SNX8: variants seen among roughly 807,000 people sequenced by gnomAD.
SNX8 encodes the protein sorting nexin-8.
SNX8 carries 25 observed loss-of-function variants against 51.6 expected under a neutral mutation model. The observed-to-expected ratio is 0.48, with a 90% CI of 0.35 to 0.68. The LOEUF is 0.68. SNX8 is among the 30% of genes least tolerant of loss of function. SNX8 has a pLI of 0.00. For missense variants in SNX8, 695 were observed against 624.0 expected (o/e 1.11, Z -1.21); for synonymous variants, 324 against 277.0 (o/e 1.17, Z -1.68).
At position 2,264,347 on chromosome 7, in the gene SNX8, G is replaced by A. The variant is rs1253422169; in HGVS notation, c.733C>T (p.Arg245Trp). 1.2e-5 allele frequency: 19 copies of A among 1,613,002 alleles called. No homozygotes were observed. Among genetic ancestry groups the A allele is most frequent in the Admixed American group, 1.7e-5 (1 of 60,022 alleles). The part of the protein sequence containing the change: ...LRDRAERIAS[R>W]AIDNAADLLI... ...AGATCTGCCGCATTGTCGATGGCCC[G>A]CGATGCGATCCGCTCGGCCCTGTCG... The change falls in exon 6 of 11, where the codon CGG (arginine) becomes TGG (tryptophan). Residue 245 changes from arginine (R) to tryptophan (W), a missense_variant. Arg to Trp is a moderately radical substitution (Grantham distance 101). Coordinates refer to ENST00000222990, the MANE Select transcript of SNX8 (RefSeq NM_013321.4).
At chr7:2,295,720 G>A (rs890721831) in intron 1 of SNX8, among the ~76,000 whole-genome samples, 1 of 151,666 alleles carries the variant, frequency 6.6e-6, no homozygotes, top group Non-Finnish European at 1.5e-5. Context: ...AGTTGTTATA[G>A]TTTCAGGTCT....
At chr7:2,332,827 G>A (rs1300204646) in intron 1 of SNX8, among the ~76,000 whole-genome samples, 1 of 147,920 alleles carries the variant, frequency 6.8e-6, no homozygotes, top group Non-Finnish European at 1.5e-5. Context: ...AGAAAGAAAG[G>A]AAGGAAGGAA....
At chr7:2,270,809 A>AGG (rs1432960279) in intron 4 of SNX8, among the ~76,000 whole-genome samples, 2 of 152,000 alleles carry the variant, frequency 1.3e-5, no homozygotes, top group African/African-American at 4.8e-5. Flanking sequence ...AGCCTGGGAG[A>AGG]GGGGGTGTCT....
chr7:2,306,141 T>C, intron 1 of SNX8, among the ~76,000 whole-genome samples: 1 of 151,468 alleles, frequency 6.6e-6, no homozygotes, highest in South Asian at 2.1e-4. Context: ...CAAGTCATTT[T>C]TTTGTTTGTT....
chr7:2,306,373 G>C (rs1250625289), intron 1 of SNX8, among the ~76,000 whole-genome samples: 1 of 152,028 alleles, frequency 6.6e-6, no homozygotes, highest in Non-Finnish European at 1.5e-5. Context: ...GCCTCCCAAA[G>C]TGCTGGGATT....
Position 2,257,004 on chromosome 7 carries a change from G to A in SNX8, c.1154C>T (p.Thr385Met), listed in dbSNP as rs956779618. The A allele has an allele frequency of 1.6e-5, 26 of 1,609,310 alleles. No individual in the cohort carries two copies. Among genetic ancestry groups the A allele is most frequent in the East Asian group, 6.7e-5 (3 of 44,758 alleles). ...RIVEQENAIQTMELRNYFSLY... is the reference protein window; with the variant it reads ...RIVEQENAIQMMELRNYFSLY... Reference sequence around the variant, plus strand: ...GGAGAAGTAGTTCCGCAGCTCCATCGTCTGAATCGCGTTCTCCTGCTGCGG... The same window carrying A: ...GGAGAAGTAGTTCCGCAGCTCCATCATCTGAATCGCGTTCTCCTGCTGCGG... The change falls in exon 10 of 11, where the codon ACG (threonine) becomes ATG (methionine). Residue 385 changes from threonine (T) to methionine (M), a missense_variant. Physicochemically the swap from Thr to Met is moderately conservative, Grantham distance 81. Coordinates refer to ENST00000222990, the MANE Select transcript of SNX8 (RefSeq NM_013321.4).
intron 1 of SNX8, among the ~76,000 whole-genome samples, chr7:2,350,255 G>C (rs923316589): frequency 6.6e-6 from 1 of 152,154 alleles, no homozygotes; most frequent in Non-Finnish European, 1.5e-5. Context: ...GCCTAGAGAC[G>C]TTGAGGCTCT....
intron 1 of SNX8, among the ~76,000 whole-genome samples, chr7:2,325,808 G>A (rs547665539): frequency 4.6e-4 from 70 of 151,888 alleles, no homozygotes; most frequent in African/African-American, 1.6e-3. Flanking sequence ...CCCCAGCCTC[G>A]GCAACAGAGC....
chr7:2,353,646 C>T (rs999517334), intron 1 of SNX8, among the ~76,000 whole-genome samples: 1 of 151,996 alleles, frequency 6.6e-6, no homozygotes, highest in Non-Finnish European at 1.5e-5. Flanking sequence ...CCATGTTGTA[C>T]CATCACCACC....
chr7:2,324,313 CAG>C (rs1444746335), intron 1 of SNX8, among the ~76,000 whole-genome samples: 1 of 142,378 alleles, frequency 7.0e-6, no homozygotes, highest in Non-Finnish European at 1.5e-5. Flanking sequence ...TTTTTTGAGA[CAG>C]AGTTTCACTG....
chr7:2,301,449 G>A (rs962330823), intron 1 of SNX8, among the ~76,000 whole-genome samples: 1 of 152,228 alleles, frequency 6.6e-6, no homozygotes, highest in Admixed American at 6.5e-5. Flanking sequence ...AACTTTTATT[G>A]AAGCAGCAGC....
At chr7:2,330,463 CA>C (rs1368978830) in intron 1 of SNX8, among the ~76,000 whole-genome samples, 1 of 151,948 alleles carries the variant, frequency 6.6e-6, no homozygotes, top group Non-Finnish European at 1.5e-5. Context: ...TCTAATAAAC[CA>C]GTAAATGTAT....
intron 1 of SNX8, among the ~76,000 whole-genome samples, chr7:2,347,625 T>C (rs1340892952): frequency 6.6e-6 from 1 of 150,820 alleles, no homozygotes; most frequent in Non-Finnish European, 1.5e-5. Context: ...TTTTTTTTTT[T>C]TTTTTTGCTC....
At chr7:2,334,869 GA>G (rs71023399) in intron 1 of SNX8, among the ~76,000 whole-genome samples, 338 of 80,016 alleles carry the variant, frequency 4.2e-3, no homozygotes, top group Non-Finnish European at 5.5e-3. Flanking sequence ...GCCCATCTCT[GA>G]AAAAAAAAAA....
intron 1 of SNX8, among the ~76,000 whole-genome samples, chr7:2,351,899 T>C (rs1237311690): frequency 8.7e-6 from 1 of 114,418 alleles, no homozygotes; most frequent in East Asian, 3.4e-4. Flanking sequence ...TTTGTTGTTG[T>C]TGTTGGTTTT....
intron 1 of SNX8, among the ~76,000 whole-genome samples, chr7:2,340,451 A>T (rs780612556): frequency 2.7e-5 from 4 of 149,812 alleles, no homozygotes; most frequent in Admixed American, 6.7e-5. Flanking sequence ...TTTTTTTTGG[A>T]ATTTTCAAAA....
chr7:2,309,644 T>C (rs112644599), intron 1 of SNX8, among the ~76,000 whole-genome samples: 2 of 152,226 alleles, frequency 1.3e-5, no homozygotes, highest in African/African-American at 2.4e-5. Context: ...GGCAAGAGAA[T>C]TGCTTGAACC....
intron 1 of SNX8, among the ~76,000 whole-genome samples, chr7:2,348,904 T>C (rs1295313352): frequency 1.4e-5 from 2 of 145,632 alleles, no homozygotes; most frequent in South Asian, 2.1e-4. Flanking sequence ...TGAGCAGAGA[T>C]TGTGCCACTG....
At chr7:2,299,587 T>C (rs1378831999) in intron 1 of SNX8, 1 of 152,182 alleles carries the variant, frequency 6.6e-6, no homozygotes, top group Non-Finnish European at 1.5e-5. Context: ...TGGGGGAATC[T>C]TGGAATAACC....
Sources: allele counts gnomAD v4.1 joint callset (sites outside exome capture counted in the v4.1 genomes callset), GRCh38; gene constraint gnomAD v4.1.1; transcripts MANE v1.5; gene names NCBI Gene and HGNC (gene_info 2026-07-23, HGNC 2026-07-21).